Variants in EEA1 observed in about 807,000 individuals in gnomAD.
The protein encoded by EEA1 is early endosome antigen 1.
A neutral mutation model predicts 209.2 loss-of-function variants in EEA1; 111 were observed. The ratio of observed to expected loss-of-function variants is 0.53; its 90% CI spans 0.45 to 0.62. EEA1 has a LOEUF of 0.62. Ranked by LOEUF, EEA1 falls within the 20% of genes least tolerant of loss-of-function variation. The pLI is 0.00. For synonymous variants in EEA1, 536 were observed against 540.6 expected (o/e 0.99, Z 0.12); for missense variants, 1,343 against 1,530.8 (o/e 0.88, Z 2.05).
intron 22 of EEA1, 146 bp from the exon 23 acceptor site, chr12:92,782,281 G>T (rs1873939107): frequency 6.4e-6 from 3 of 469,164 alleles, no homozygotes; most frequent in African/African-American, 2.0e-5. Context: ...AAAAGAGAAA[G>T]AATTCTAAAA....
At chr12:92,781,715 T>C (rs972519158) in intron 23 of EEA1, among the ~76,000 whole-genome samples, 2 of 72,286 alleles carry the variant, frequency 2.8e-5, no homozygotes, top group African/African-American at 1.1e-4. Flanking sequence ...AAAATTGACT[T>C]GTTTGTAAAA....
intron 1 of EEA1, among the ~76,000 whole-genome samples, chr12:92,902,814 A>T (rs1228504430): frequency 6.6e-6 from 1 of 151,920 alleles, no homozygotes; most frequent in Non-Finnish European, 1.5e-5. Flanking sequence ...GAGCTTTTCC[A>T]GGTAGAGATG....
chr12:92,771,587 A>C lies in EEA1; in HGVS notation c.*4424T>G, dbSNP rs1873433838. 6.6e-6 allele frequency: 1 copy of C among 152,096 alleles called. No homozygotes were observed. Among genetic ancestry groups the C allele is most frequent in the African/African-American group, 2.4e-5 (1 of 41,454 alleles). The allele number at this position is 152,096 out of a possible 1,614,324, so 9.4% of individuals were successfully genotyped here. ...GAGAATAGACTTCAAGCTTCAAGTGAATTCCTAGAGATGGCATCTGGATGG... is the reference window on the plus strand; with the variant it reads ...GAGAATAGACTTCAAGCTTCAAGTGCATTCCTAGAGATGGCATCTGGATGG... On this transcript the variant is annotated 3_prime_UTR_variant, in exon 29 of 29. Transcript: ENST00000322349.
In EEA1 at chr12:92,816,215, G is replaced by A. The variant is rs749300561; in HGVS notation, c.1914C>T (p.Ser638=). ...TTAATATTACCTGTATGTCAAGCTG[G>A]GAGACCTTCTCCTTGCTTTCATTTA... The part of the protein sequence containing the change: ...SQLNESKEKV[S]QLDIQIKAKT... The change falls in exon 15 of 29, where the codon TCC becomes TCT. Residue 638 remains serine (S), a synonymous_variant. Transcript: ENST00000322349. 6.8e-6 allele frequency: 11 copies of A among 1,613,366 alleles called. No homozygotes were observed. The highest frequency in any genetic ancestry group is 1.7e-5 in the Admixed American group (1 of 59,956).
At chr12:92,894,172 A>G (rs767716541) in intron 1 of EEA1, among the ~76,000 whole-genome samples, 2 of 152,172 alleles carry the variant, frequency 1.3e-5, no homozygotes, top group Admixed American at 6.6e-5. Context: ...CCATACCCAT[A>G]TAAGATGGCC....
chr12:92,914,231 T>A (rs563409601), intron 1 of EEA1, among the ~76,000 whole-genome samples: 2 of 152,098 alleles, frequency 1.3e-5, no homozygotes, highest in South Asian at 4.2e-4. Context: ...TGCACTCAGA[T>A]CCCAGGCCCA....
At chr12:92,847,093 C>T (rs1348167647) in intron 9 of EEA1, among the ~76,000 whole-genome samples, 2 of 152,102 alleles carry the variant, frequency 1.3e-5, no homozygotes, top group African/African-American at 4.8e-5. Context: ...GCTGGGATTA[C>T]AGGCATGCGC....
chr12:92,778,677 A>G (rs1398263884), intron 25 of EEA1, among the ~76,000 whole-genome samples: 2 of 152,100 alleles, frequency 1.3e-5, no homozygotes, highest in Non-Finnish European at 2.9e-5. Context: ...GAGGAAAGCC[A>G]GATGCTTCCC....
chr12:92,814,534 A>C (rs1875683570), intron 15 of EEA1, among the ~76,000 whole-genome samples: 1 of 150,488 alleles, frequency 6.6e-6, no homozygotes, highest in Middle Eastern at 3.4e-3. Context: ...GTAGCATATA[A>C]AGAAAGTTTG....
intron 1 of EEA1, among the ~76,000 whole-genome samples, chr12:92,919,591 G>A (rs1454899500): frequency 1.3e-4 from 19 of 150,590 alleles, no homozygotes; most frequent in Non-Finnish European, 1.8e-4. Context: ...TTGATGGGAC[G>A]TATTTCAAAA....
chr12:92,883,892 T>C (rs1879272688), intron 2 of EEA1: 1 of 1,591,574 alleles, frequency 6.3e-7, no homozygotes, highest in African/African-American at 1.3e-5. Context: ...TGGGGAACGC[T>C]CACGGACTGT....
At chr12:92,901,683 T>C (rs1175260043) in intron 1 of EEA1, among the ~76,000 whole-genome samples, 2 of 152,026 alleles carry the variant, frequency 1.3e-5, no homozygotes, top group Non-Finnish European at 2.9e-5. Context: ...TTCTCCTGCC[T>C]CAGCCTCCCA....
In EEA1 at chr12:92,866,988, A is replaced by G. The variant is rs530826412; in HGVS notation, c.118-2001T>C. Among the ~76,000 whole-genome samples the G allele has an allele frequency of 3.9e-5, 6 of 152,250 alleles. No homozygotes were observed. In the South Asian group the frequency reaches 1.2e-3, roughly 32 times the overall value. On this transcript the variant is annotated intron_variant, in intron 2 of 28. Coordinates refer to ENST00000322349, the MANE Select transcript of EEA1 (RefSeq NM_003566.4). ...CGGATACTCAGTATCTCTTGTCCAC[A>G]CTCTGCAATAACATTAGAAACAGTG... is the stretch of plus-strand genomic sequence containing the variant.
chr12:92,857,846 T>C lies in EEA1; in HGVS notation c.246-361A>G, dbSNP rs184979893. ...AAACTCATTAACATGGACTACAAAA[T>C]ATACATAATCTAGTCATTGCCTTAT... On this transcript the variant is annotated intron_variant, in intron 3 of 28. Transcript: ENST00000322349. Among the ~76,000 whole-genome samples the C allele has an allele frequency of 1.6e-3, 242 of 152,326 alleles. 1 individual carries two copies. Among genetic ancestry groups the C allele is most frequent in the African/African-American group, 5.4e-3 (226 of 41,566 alleles).
At chr12:92,817,359 A>ATT in intron 14 of EEA1, among the ~76,000 whole-genome samples, 1 of 148,044 alleles carries the variant, frequency 6.8e-6, no homozygotes, top group African/African-American at 2.5e-5. Context: ...AATTATTTTT[A>ATT]TTTTTTTTTT....
In EEA1 at chr12:92,779,111, T is replaced by C; in HGVS notation, c.3654+4A>G. The C allele has an allele frequency of 6.3e-7, 1 of 1,594,880 alleles. No homozygotes were observed. The highest frequency in any genetic ancestry group is 8.5e-7 in the Non-Finnish European group (1 of 1,174,826). On this transcript the variant is annotated splice_donor_region_variant and intron_variant, in intron 25 of 28. Coordinates refer to ENST00000322349, the MANE Select transcript of EEA1 (RefSeq NM_003566.4). ...AACACACTTCCCCCGATTAACTCAC[T>C]GACCAACTTAGCTTCTTTCTCAATA...
intron 13 of EEA1, among the ~76,000 whole-genome samples, chr12:92,825,278 C>T (rs1876238451): frequency 6.6e-6 from 1 of 151,948 alleles, no homozygotes; most frequent in African/African-American, 2.4e-5. Flanking sequence ...GGTGAAACCC[C>T]ATCTCTACTA....
chr12:92,896,852 G>C (rs941862202), intron 1 of EEA1, among the ~76,000 whole-genome samples: 8 of 152,124 alleles, frequency 5.3e-5, no homozygotes, highest in African/African-American at 1.7e-4. Context: ...GCAGCTATCA[G>C]TATAGAGGCA....
chr12:92,869,752 CAAAAAAAAAAAAAAAAAAAAAAA>C lies in EEA1; in HGVS notation c.118-4788_118-4766del, dbSNP rs71069185. Among the ~76,000 whole-genome samples, 191 of 26,796 alleles carry C rather than the reference CAAAAAAAAAAAAAAAAAAAAAAA, an allele frequency of 7.1e-3. 1 individual carries two copies. The highest frequency in any genetic ancestry group is 0.021 in the African/African-American group (180 of 8,694). 17.6% of individuals were successfully genotyped at this position (26,796 alleles called of 152,430 possible). Reference sequence around the variant, plus strand: ...TGGGTGACACAGTGAGATTCTGCCTCAAAAAAAAAAAAAAAAAAAAAAAAAAAAAAAAAAAAGGAAAGCCCTTA... The same window carrying C: ...TGGGTGACACAGTGAGATTCTGCCTCAAAAAAAAAAAAAGGAAAGCCCTTA... On this transcript the variant is annotated intron_variant, in intron 2 of 28. Transcript: ENST00000322349.
Sources: gnomAD v4.1 joint callset for allele counts (sites outside exome capture counted in the v4.1 genomes callset) on GRCh38, gnomAD v4.1.1 for gene constraint, MANE v1.5 for transcripts, NCBI Gene and HGNC (gene_info 2026-07-23, HGNC 2026-07-21) for gene names.